TRPS1: variants seen among roughly 807,000 people sequenced by gnomAD.
The protein encoded by TRPS1 is transcriptional repressor GATA binding 1, also known as zinc finger transcription factor Trps1.
TRPS1 carries 6 observed loss-of-function variants against 101.2 expected under a neutral mutation model. The ratio of observed to expected loss-of-function variants is 0.06; its 90% CI spans 0.03 to 0.12. The LOEUF is 0.12. Among genes scored for constraint, TRPS1 ranks in the 10% least tolerant of loss-of-function variants. The pLI is 1.00. For missense variants in TRPS1, 1,363 were observed against 1,567.0 expected (o/e 0.87, Z 2.20); for synonymous variants, 578 against 589.8 (o/e 0.98, Z 0.29).
chr8:115,580,988 G>A (rs539409266), intron 5 of TRPS1, among the ~76,000 whole-genome samples: 60 of 152,054 alleles, frequency 3.9e-4, no homozygotes, highest in Middle Eastern at 6.8e-3. Flanking sequence ...ATCAAGATAC[G>A]GAATCAGCCT....
intron 1 of TRPS1, among the ~76,000 whole-genome samples, chr8:115,631,141 C>T (rs1268256498): frequency 6.6e-6 from 1 of 152,014 alleles, no homozygotes; most frequent in African/African-American, 2.4e-5. Context: ...CTACAAAGCC[C>T]TCTACAATTT....
At chr8:115,634,409 T>C (rs1005642089) in intron 1 of TRPS1, among the ~76,000 whole-genome samples, 1 of 152,208 alleles carries the variant, frequency 6.6e-6, no homozygotes, top group African/African-American at 2.4e-5. Context: ...AAAAGGATGT[T>C]TGTTAAAGAA....
chr8:115,578,772 T>G (rs183218556), intron 5 of TRPS1, among the ~76,000 whole-genome samples: 1 of 152,302 alleles, frequency 6.6e-6, no homozygotes, highest in African/African-American at 2.4e-5. Flanking sequence ...GGTTTTCATC[T>G]TCTTTACAGT....
intron 5 of TRPS1, among the ~76,000 whole-genome samples, chr8:115,519,348 C>T (rs1308894455): frequency 6.6e-6 from 1 of 151,560 alleles, no homozygotes; most frequent in Non-Finnish European, 1.5e-5. Context: ...ATCTTTTAAA[C>T]TTAAATTTTT....
At chr8:115,514,079 A>G (rs1420974677) in intron 5 of TRPS1, among the ~76,000 whole-genome samples, 1 of 151,670 alleles carries the variant, frequency 6.6e-6, no homozygotes, top group Non-Finnish European at 1.5e-5. Flanking sequence ...ATCCTGAGAC[A>G]TTTTATCCAG....
intron 1 of TRPS1, among the ~76,000 whole-genome samples, chr8:115,656,292 A>C (rs956129676): frequency 3.3e-5 from 5 of 152,148 alleles, no homozygotes; most frequent in African/African-American, 1.2e-4. Flanking sequence ...GCAGTCGAAA[A>C]ACAAAAACAG....
At chr8:115,582,497 T>C (rs1817474120) in intron 5 of TRPS1, among the ~76,000 whole-genome samples, 1 of 152,134 alleles carries the variant, frequency 6.6e-6, no homozygotes, top group African/African-American at 2.4e-5. Flanking sequence ...AATGAACAAA[T>C]AATCAGACTA....
chr8:115,618,212 C>T (rs1214581647), intron 3 of TRPS1, among the ~76,000 whole-genome samples: 1 of 152,000 alleles, frequency 6.6e-6, no homozygotes, highest in Non-Finnish European at 1.5e-5. Context: ...GTTTTGAAAT[C>T]CCCCTGGCCT....
chr8:115,470,892 G>C (rs1277710107), intron 5 of TRPS1, among the ~76,000 whole-genome samples: 1 of 152,204 alleles, frequency 6.6e-6, no homozygotes, highest in Non-Finnish European at 1.5e-5. Flanking sequence ...TTTAGATGGA[G>C]TTGATATTTA....
chr8:115,588,458 G>T (rs1817615595), intron 4 of TRPS1, among the ~76,000 whole-genome samples: 1 of 152,124 alleles, frequency 6.6e-6, no homozygotes, highest in South Asian at 2.1e-4. Context: ...AAGGGTGTGT[G>T]TGTGTTTTCT....
chr8:115,666,878 G>A (rs1035360123), intron 1 of TRPS1, among the ~76,000 whole-genome samples: 54 of 147,926 alleles, frequency 3.7e-4, no homozygotes, highest in Non-Finnish European at 1.9e-4. Flanking sequence ...TTCCTTTCCT[G>A]TTCACCTGGT....
At chr8:115,507,219 C>A (rs898416756) in intron 5 of TRPS1, among the ~76,000 whole-genome samples, 1 of 151,986 alleles carries the variant, frequency 6.6e-6, no homozygotes, top group Admixed American at 6.6e-5. Context: ...CAAGCTCGTT[C>A]GTTTGTCTAA....
rs370103662 is a variant in TRPS1 at position 115,498,383 on chromosome 8, C to G, written c.2701-79931G>C. The stretch of plus-strand genomic sequence containing the variant: ...ACAAAGAGAGAGCCCGTCTCTCTCT[C>G]TCTCTCTCTCTCTCTCTCTCTCTCT... On this transcript the variant is annotated intron_variant, in intron 5 of 6. Transcript: ENST00000395715. Among the ~76,000 whole-genome samples the G allele has an allele frequency of 1.5e-3, 101 of 66,066 alleles. 5 individuals carry two copies. Among genetic ancestry groups the G allele is most frequent in the East Asian group, 2.0e-3 (4 of 1,964 alleles). The allele number at this position is 66,066 out of a possible 152,430, so 43.3% of individuals were successfully genotyped here. A position where few individuals can be genotyped will look rare whatever the true frequency, so the allele number is the denominator to read the frequency against.
At chr8:115,438,450 AAAG>A (rs1404273427) in intron 5 of TRPS1, among the ~76,000 whole-genome samples, 1 of 152,186 alleles carries the variant, frequency 6.6e-6, no homozygotes, top group Non-Finnish European at 1.5e-5. Flanking sequence ...GAGGAAAATA[AAAG>A]AAGAGCAACT....
intron 1 of TRPS1, among the ~76,000 whole-genome samples, chr8:115,643,406 A>G (rs954976232): frequency 3.9e-5 from 6 of 152,204 alleles, no homozygotes. Context: ...AATATTCTAA[A>G]TCTTTTGTCA....
chr8:115,656,195 A>C (rs530177400), intron 1 of TRPS1, among the ~76,000 whole-genome samples: 1 of 152,164 alleles, frequency 6.6e-6, no homozygotes, highest in African/African-American at 2.4e-5. Flanking sequence ...TTCAAGATAT[A>C]TGTGCAGAGC....
chr8:115,476,208 A>C (rs1244531020), intron 5 of TRPS1, among the ~76,000 whole-genome samples: 1 of 45,866 alleles, frequency 2.2e-5, no homozygotes, highest in South Asian at 8.1e-4. Flanking sequence ...TTTAGTAGAG[A>C]CGGGGTTTCA....
intron 5 of TRPS1, among the ~76,000 whole-genome samples, chr8:115,544,885 G>GAA (rs5894274): frequency 3.3e-5 from 5 of 151,634 alleles, no homozygotes; most frequent in African/African-American, 1.2e-4. Flanking sequence ...GAAAGGACAA[G>GAA]AAAAAAAGCA....
chr8:115,515,452 C>G lies in TRPS1; in HGVS notation c.2700+71549G>C, dbSNP rs1477582204. On this transcript the variant is annotated intron_variant, in intron 5 of 6. Coordinates refer to ENST00000395715, the MANE Select transcript of TRPS1 (RefSeq NM_014112.5). ...ATGATTTTAAATGTCATTAGTTTGG[C>G]ATGTAGCATTAATAAAAACAGACAA... 7.3e-5 allele frequency among the ~76,000 whole-genome samples: 11 copies of G among 151,440 alleles called. No homozygotes were observed. In the Admixed American group the frequency reaches 7.3e-4, roughly 10 times the overall value.
Sources: gnomAD v4.1 joint callset for allele counts (sites outside exome capture counted in the v4.1 genomes callset) on GRCh38, gnomAD v4.1.1 for gene constraint, MANE v1.5 for transcripts, NCBI Gene and HGNC (gene_info 2026-07-23, HGNC 2026-07-21) for gene names.